ASAP2: variants seen among roughly 807,000 people sequenced by gnomAD.
ASAP2 encodes the protein arf-GAP with SH3 domain, ANK repeat and PH domain-containing protein 2.
ASAP2 carries 45 observed loss-of-function variants against 131.4 expected under a neutral mutation model. That is an observed-to-expected ratio of 0.34 (90% CI 0.27 to 0.44). The LOEUF (loss-of-function observed/expected upper bound fraction) is 0.44. ASAP2 is among the 20% of genes least tolerant of loss of function. The probability of loss-of-function intolerance (pLI) is 1.00; values close to 1 mark genes in which losing one functional copy is unlikely to be tolerated. For synonymous variants in ASAP2, 510 were observed against 503.0 expected, an observed-to-expected ratio of 1.01 and a Z score of -0.19; for missense variants, 1,011 against 1,297.0, an observed-to-expected ratio of 0.78 and a Z score of 3.39.
intron 3 of ASAP2, among the ~76,000 whole-genome samples, chr2:9,304,773 A>G (rs1252238718): frequency 7.2e-6 from 1 of 138,610 alleles, no homozygotes; most frequent in African/African-American, 2.8e-5. Flanking sequence ...TGGGGTATAG[A>G]TATTGGTGGA....
chr2:9,302,235 C>A (rs1190644586), intron 3 of ASAP2, among the ~76,000 whole-genome samples: 2 of 134,724 alleles, frequency 1.5e-5, no homozygotes, highest in Non-Finnish European at 3.0e-5. Flanking sequence ...CGCAGTGGTG[C>A]AGTCTTGGCT....
At chr2:9,357,794 A>G (rs186508383) in intron 14 of ASAP2, among the ~76,000 whole-genome samples, 1 of 152,358 alleles carries the variant, frequency 6.6e-6, no homozygotes, top group African/African-American at 2.4e-5. Flanking sequence ...TAACATTTTT[A>G]ATAACTTGAA....
intron 1 of ASAP2, among the ~76,000 whole-genome samples, chr2:9,275,433 A>G (rs1666698336): frequency 6.6e-6 from 1 of 152,196 alleles, no homozygotes; most frequent in African/African-American, 2.4e-5. Context: ...TCACTCTGTC[A>G]TCTGTGGGAG....
At chr2:9,212,746 G>A (rs1270604931) in intron 1 of ASAP2, among the ~76,000 whole-genome samples, 8 of 152,180 alleles carry the variant, frequency 5.3e-5, no homozygotes, top group Non-Finnish European at 7.3e-5. Flanking sequence ...GTAGCCACAC[G>A]TGGCTGGTGG....
intron 3 of ASAP2, among the ~76,000 whole-genome samples, chr2:9,302,581 T>G (rs1022678305): frequency 2.7e-5 from 4 of 149,184 alleles, no homozygotes; most frequent in African/African-American, 9.9e-5. Context: ...TTCCAGCTAT[T>G]CTTGTGCCTC....
At chr2:9,226,779 G>A (rs573195113) in intron 1 of ASAP2, among the ~76,000 whole-genome samples, 2 of 152,272 alleles carry the variant, frequency 1.3e-5, no homozygotes, top group African/African-American at 4.8e-5. Flanking sequence ...TCTAGCAAAC[G>A]GTGTGCTCTT....
intron 15 of ASAP2, among the ~76,000 whole-genome samples, chr2:9,361,422 C>G (rs1673069851): frequency 6.6e-6 from 1 of 152,222 alleles, no homozygotes; most frequent in African/African-American, 2.4e-5. Flanking sequence ...TGTCGTGGCT[C>G]TAAACCTTAT....
chr2:9,300,331 C>G lies in ASAP2; in HGVS notation c.345+2886C>G, dbSNP rs117018353. ...AGCACTCCACACCATGGAATCCGGA[C>G]GAAACTAACTTGTCTCAGTTAACAA... On this transcript the variant is annotated intron_variant, in intron 3 of 27. Coordinates refer to ENST00000281419, the MANE Select transcript of ASAP2 (RefSeq NM_003887.3). Among the ~76,000 whole-genome samples the G allele has an allele frequency of 1.1e-4, 16 of 152,334 alleles. No homozygotes were observed. In the South Asian group the frequency reaches 3.3e-3, roughly 32 times the overall value.
chr2:9,267,897 CAAAAAAAA>C (rs34716225), intron 1 of ASAP2, among the ~76,000 whole-genome samples: 2 of 65,022 alleles, frequency 3.1e-5, no homozygotes, highest in Non-Finnish European at 5.5e-5. Flanking sequence ...GACTCTATCT[CAAAAAAAA>C]AAAAAAAAAA....
intron 24 of ASAP2, among the ~76,000 whole-genome samples, chr2:9,394,621 A>G (rs1393293757): frequency 6.6e-6 from 1 of 152,186 alleles, no homozygotes; most frequent in Admixed American, 6.5e-5. Context: ...GCACATGTAC[A>G]TGGATACATA....
intron 1 of ASAP2, among the ~76,000 whole-genome samples, chr2:9,216,358 C>T (rs1377524747): frequency 1.3e-5 from 2 of 149,446 alleles, no homozygotes; most frequent in East Asian, 2.0e-4. Flanking sequence ...GTGATCTTGG[C>T]TCACCACAGC....
At chr2:9,331,767 TC>T (rs1670859045) in intron 7 of ASAP2, among the ~76,000 whole-genome samples, 1 of 151,352 alleles carries the variant, frequency 6.6e-6, no homozygotes, top group Middle Eastern at 3.4e-3. Context: ...TTTTTTTTTT[TC>T]AAAAAAAATA....
chr2:9,305,154 G>A (rs1021995445), intron 3 of ASAP2, among the ~76,000 whole-genome samples: 1 of 151,474 alleles, frequency 6.6e-6, no homozygotes, highest in African/African-American at 2.4e-5. Flanking sequence ...TATAGATATT[G>A]GTGGAGGGGC....
In ASAP2 at chr2:9,279,299, G is replaced by T; in HGVS notation, c.127-18G>T. ...TCAGCACAGACACGGTTTAATGACTGTATTCTCTACATTTTAGGCTTTGGA... is the reference window on the plus strand; with the variant it reads ...TCAGCACAGACACGGTTTAATGACTTTATTCTCTACATTTTAGGCTTTGGA... On this transcript the variant is annotated intron_variant, in intron 1 of 27. Transcript: ENST00000281419. 1.2e-6 allele frequency: 2 copies of T among 1,612,332 alleles called. No individual in the cohort carries two copies. Among genetic ancestry groups the T allele is most frequent in the Non-Finnish European group, 1.7e-6 (2 of 1,178,382 alleles).
At chr2:9,317,519 AC>A in intron 3 of ASAP2, among the ~76,000 whole-genome samples, 1 of 144,902 alleles carries the variant, frequency 6.9e-6, no homozygotes, top group Non-Finnish European at 1.5e-5. Flanking sequence ...CCACAATCAC[AC>A]CCCACACTCA....
chr2:9,343,638 G>T (rs1671750643), intron 9 of ASAP2, among the ~76,000 whole-genome samples: 1 of 152,188 alleles, frequency 6.6e-6, no homozygotes, highest in South Asian at 2.1e-4. Context: ...GTAGAAACGA[G>T]GTCTTGCTAT....
At chr2:9,284,069 A>AT (rs1470932474) in intron 2 of ASAP2, among the ~76,000 whole-genome samples, 3 of 152,212 alleles carry the variant, frequency 2.0e-5, no homozygotes, top group Non-Finnish European at 4.4e-5. Flanking sequence ...CCTCATCCAG[A>AT]TAATCCAGAT....
intron 1 of ASAP2, among the ~76,000 whole-genome samples, chr2:9,273,454 C>T (rs755594137): frequency 7.2e-5 from 11 of 152,194 alleles, no homozygotes; most frequent in African/African-American, 2.4e-4. Context: ...TCACCTTGCC[C>T]GCTGCTGCCT....
At chr2:9,309,116 T>G (rs2148453299) in intron 3 of ASAP2, among the ~76,000 whole-genome samples, 1 of 152,242 alleles carries the variant, frequency 6.6e-6, no homozygotes, top group South Asian at 2.1e-4. Flanking sequence ...CAAGACCACC[T>G]TATAAAAAGG....
Sources: allele counts gnomAD v4.1 joint callset (sites outside exome capture counted in the v4.1 genomes callset), GRCh38; gene constraint gnomAD v4.1.1; transcripts MANE v1.5; gene names NCBI Gene and HGNC (gene_info 2026-07-23, HGNC 2026-07-21).